The following ACYP2 variants were observed in gnomAD, a reference collection of about 807,000 sequenced individuals.
The protein encoded by ACYP2 is acylphosphatase-2.
Under a neutral mutation model 11.2 loss-of-function variants are expected in ACYP2, and 12 were observed. That is an observed-to-expected ratio of 1.08 (90% CI 0.69 to 1.74). ACYP2 has a LOEUF of 1.74. Among genes scored for constraint, ACYP2 ranks in the 40% most tolerant of loss-of-function variants. The pLI is 0.00. For synonymous variants in ACYP2, 43 were observed against 32.2 expected (o/e 1.33, Z -1.13); for missense variants, 134 against 101.9 (o/e 1.31, Z -1.35).
intron 2 of ACYP2, among the ~76,000 whole-genome samples, chr2:53,994,513 AG>A (rs200814023): frequency 0.48 from 51,110 of 106,888 alleles, 13,310 homozygotes; most frequent in East Asian, 0.72. Flanking sequence ...AGTAAGACTC[AG>A]AAAAAAAAAA....
At chr2:54,111,410 C>T (rs1434567668) in intron 4 of ACYP2, among the ~76,000 whole-genome samples, 1 of 152,142 alleles carries the variant, frequency 6.6e-6, no homozygotes, top group East Asian at 1.9e-4. Flanking sequence ...ATACTCAGTA[C>T]CAAGCTGGGA....
At chr2:54,013,458 G>T (rs1044726439) in intron 2 of ACYP2, among the ~76,000 whole-genome samples, 1 of 151,826 alleles carries the variant, frequency 6.6e-6, no homozygotes, top group African/African-American at 2.4e-5. Flanking sequence ...GCACTACCAT[G>T]CCCAGCTAAT....
intron 2 of ACYP2, among the ~76,000 whole-genome samples, chr2:54,019,121 C>T (rs759219827): frequency 2.3e-4 from 35 of 151,270 alleles, no homozygotes; most frequent in Non-Finnish European, 4.4e-4. Flanking sequence ...AGTTGGAGTG[C>T]GGTGGCACAA....
chr2:54,254,974 C>A, intron 6 of ACYP2: 1 of 1,613,812 alleles, frequency 6.2e-7, no homozygotes, highest in Non-Finnish European at 8.5e-7. Flanking sequence ...CCTTACCAGG[C>A]GACGTCTAGC....
intron 6 of ACYP2, chr2:54,255,905 C>T: frequency 1.2e-6 from 2 of 1,614,084 alleles, no homozygotes; most frequent in South Asian, 1.1e-5. Flanking sequence ...GCTTTGATGG[C>T]TCCATGACTG....
intron 6 of ACYP2, among the ~76,000 whole-genome samples, chr2:54,260,450 A>G (rs1319029388): frequency 6.6e-6 from 1 of 152,192 alleles, no homozygotes; most frequent in Non-Finnish European, 1.5e-5. Flanking sequence ...GCCGCATTCA[A>G]CTTACAGCTG....
intron 6 of ACYP2, among the ~76,000 whole-genome samples, chr2:54,239,925 G>A (rs1195227379): frequency 6.6e-6 from 1 of 152,066 alleles, no homozygotes; most frequent in Admixed American, 6.5e-5. Flanking sequence ...ATTCTTCTGA[G>A]AAGTACTTTA....
chr2:54,094,541 T>G (rs921884797), intron 4 of ACYP2, among the ~76,000 whole-genome samples: 2 of 149,126 alleles, frequency 1.3e-5, no homozygotes, highest in African/African-American at 5.0e-5. Flanking sequence ...GTTGTGTGTG[T>G]GTGTGTGTGT....
chr2:54,247,689 G>A (rs1038852635), intron 6 of ACYP2, among the ~76,000 whole-genome samples: 3 of 152,156 alleles, frequency 2.0e-5, no homozygotes, highest in African/African-American at 7.2e-5. Flanking sequence ...TGTTTCATAT[G>A]CTAAGAAAAC....
intron 6 of ACYP2, among the ~76,000 whole-genome samples, chr2:54,163,683 C>T (rs1011337347): frequency 1.9e-4 from 29 of 151,974 alleles, no homozygotes; most frequent in Non-Finnish European, 3.4e-4. Flanking sequence ...GGTGAAACCC[C>T]GCCACTACTA....
At chr2:54,109,237 G>T (rs551303536) in intron 4 of ACYP2, among the ~76,000 whole-genome samples, 2 of 152,254 alleles carry the variant, frequency 1.3e-5, no homozygotes, top group African/African-American at 4.8e-5. Flanking sequence ...GCCATAAAAA[G>T]AAATGAAATA....
intron 4 of ACYP2, among the ~76,000 whole-genome samples, chr2:54,092,224 T>A (rs542952217): frequency 6.6e-6 from 1 of 152,270 alleles, no homozygotes; most frequent in Admixed American, 6.5e-5. Flanking sequence ...AGAGCTGTCT[T>A]ATAGGCACTT....
chr2:54,191,067 C>G (rs1413785176), intron 6 of ACYP2, among the ~76,000 whole-genome samples: 1 of 151,994 alleles, frequency 6.6e-6, no homozygotes, highest in Non-Finnish European at 1.5e-5. Flanking sequence ...CTCCAGTGAT[C>G]CCCTCCTCAG....
intron 4 of ACYP2, among the ~76,000 whole-genome samples, chr2:54,095,762 G>T (rs1313267249): frequency 7.6e-6 from 1 of 132,328 alleles, no homozygotes; most frequent in South Asian, 2.6e-4. Flanking sequence ...TCACCTCCCG[G>T]ACGGGGCGGC....
chr2:54,213,861 G>A (rs943469794), intron 6 of ACYP2, among the ~76,000 whole-genome samples: 9 of 151,064 alleles, frequency 6.0e-5, no homozygotes, highest in Admixed American at 2.6e-4. Context: ...TCAACCTCCC[G>A]GGCCCAAGCG....
In ACYP2 at chr2:54,143,152, C is replaced by T. The variant is rs1479150483; in HGVS notation, c.404+4404C>T. ...TGTTTCAGTGACTTCATTTGTCAGA[C>T]CTGCCATGACAATGTTGAATAATAA... is the stretch of plus-strand genomic sequence containing the variant. On this transcript the variant is annotated intron_variant, in intron 6 of 6. Coordinates refer to ENST00000607452, the MANE Select transcript of ACYP2 (RefSeq NM_001320586.2). 4 of 152,310 alleles carry T rather than the reference C, an allele frequency of 2.6e-5. No homozygotes were observed. In the East Asian group the frequency reaches 7.7e-4, roughly 29 times the overall value. The allele number at this position is 152,310 out of a possible 1,614,324, so 9.4% of individuals were successfully genotyped here. A position where few individuals can be genotyped will look rare whatever the true frequency, so the allele number is the denominator to read the frequency against.
At chr2:54,142,184 T>G in intron 6 of ACYP2, 1 of 331,690 alleles carries the variant, frequency 3.0e-6, no homozygotes, top group Non-Finnish European at 5.4e-6. Flanking sequence ...CAGTTTTATA[T>G]TTACAGAAAA....
At chr2:54,076,242 T>C (rs1677334635) in intron 4 of ACYP2, among the ~76,000 whole-genome samples, 1 of 152,240 alleles carries the variant, frequency 6.6e-6, no homozygotes, top group Non-Finnish European at 1.5e-5. Flanking sequence ...GTACTGGGCT[T>C]GAGAAAATGG....
chr2:54,100,570 A>T (rs1678839993), intron 4 of ACYP2, among the ~76,000 whole-genome samples: 1 of 151,854 alleles, frequency 6.6e-6, no homozygotes, highest in African/African-American at 2.4e-5. Context: ...CACTTTCCCA[A>T]AGTTCTGGGA....
Sources: allele counts gnomAD v4.1 joint callset (sites outside exome capture counted in the v4.1 genomes callset), GRCh38; gene constraint gnomAD v4.1.1; transcripts MANE v1.5; gene names NCBI Gene and HGNC (gene_info 2026-07-23, HGNC 2026-07-21).